The following EPB41L4A variants were observed in gnomAD, a reference collection of about 807,000 sequenced individuals.
EPB41L4A encodes band 4.1-like protein 4A.
In EPB41L4A, 100 loss-of-function variants were observed where a neutral mutation model predicts 108.6. That is an observed-to-expected ratio of 0.92 (90% confidence interval 0.78 to 1.09). EPB41L4A has a LOEUF of 1.09. Among genes scored for constraint, EPB41L4A ranks in the 50% least tolerant of loss-of-function variants. The pLI is 0.00. For synonymous variants in EPB41L4A, 319 were observed against 289.0 expected, an observed-to-expected ratio of 1.10 and a Z score of -1.05; for missense variants, 1,030 against 842.7, an observed-to-expected ratio of 1.22 and a Z score of -2.75.
chr5:112,175,538 A>G (rs1760816684), intron 18 of EPB41L4A: 1 of 152,228 alleles, frequency 6.6e-6, no homozygotes, highest in Admixed American at 6.5e-5. Context: ...GGTGTATCAT[A>G]ACCTTCTGAC....
Position 112,240,751 on chromosome 5 carries a change from C to G in EPB41L4A, c.855G>C (p.Trp285Cys), listed in dbSNP as rs761977647. 3 of 1,584,450 alleles carry G rather than the reference C, an allele frequency of 1.9e-6. No individual in the cohort carries two copies. Among genetic ancestry groups the G allele is most frequent in the Non-Finnish European group, 2.6e-6 (3 of 1,172,284 alleles). ...ARSKTACKHL[W>C]KCSVEHHTFF... ...ATGTATGATGTTCCACACTGCACTT[C>G]CAGAGGTGCTTGCAAGCAGTTTTAC... The change falls in exon 10 of 23, where the codon TGG (tryptophan) becomes TGC (cysteine). Residue 285 changes from tryptophan to cysteine, a missense_variant. Trp to Cys is a radical substitution (Grantham distance 215). Transcript: ENST00000261486.
At chr5:112,398,834 T>C (rs574515891) in intron 1 of EPB41L4A, among the ~76,000 whole-genome samples, 2 of 151,574 alleles carry the variant, frequency 1.3e-5, no homozygotes, top group African/African-American at 4.8e-5. Flanking sequence ...CTGAGTGAAA[T>C]GTATATGGGC....
chr5:112,411,970 C>G (rs960414947), intron 1 of EPB41L4A, among the ~76,000 whole-genome samples: 1 of 152,230 alleles, frequency 6.6e-6, no homozygotes. Context: ...ACGGCCCCCA[C>G]TGTTCTCTAA....
intron 12 of EPB41L4A, among the ~76,000 whole-genome samples, chr5:112,227,867 C>T (rs1748583071): frequency 6.6e-6 from 1 of 152,206 alleles, no homozygotes; most frequent in South Asian, 2.1e-4. Context: ...TTGACTGCAC[C>T]TACCTTGGGT....
chr5:112,332,505 G>C (rs966359214), intron 1 of EPB41L4A, among the ~76,000 whole-genome samples: 1 of 152,182 alleles, frequency 6.6e-6, no homozygotes, highest in Non-Finnish European at 1.5e-5. Flanking sequence ...TGGCTGAAGA[G>C]AGATGCATGG....
intron 1 of EPB41L4A, among the ~76,000 whole-genome samples, chr5:112,367,563 A>T (rs1759210555): frequency 6.6e-6 from 1 of 152,148 alleles, no homozygotes. Context: ...CCCATCTGGC[A>T]GGGCTCCATG....
chr5:112,259,359 T>A, intron 8 of EPB41L4A, 67 bp from the exon 9 acceptor site: 1 of 1,346,010 alleles, frequency 7.4e-7, no homozygotes, highest in Non-Finnish European at 1.1e-6. Flanking sequence ...ATCAGGGAAG[T>A]ATCCAGTGGA....
chr5:112,413,325 A>C (rs1762519720), intron 1 of EPB41L4A, among the ~76,000 whole-genome samples: 1 of 152,218 alleles, frequency 6.6e-6, no homozygotes, highest in Admixed American at 6.5e-5. Flanking sequence ...TCAATACAAA[A>C]ATTAGAGTAT....
At chr5:112,184,974 T>G (rs574511192) in intron 17 of EPB41L4A, among the ~76,000 whole-genome samples, 1 of 152,278 alleles carries the variant, frequency 6.6e-6, no homozygotes, top group African/African-American at 2.4e-5. Flanking sequence ...CTGCAGAAAT[T>G]TTGGACTTCC....
Position 112,275,378 on chromosome 5 carries a change from C to A in EPB41L4A, c.283G>T (p.Gly95Cys). 6.4e-7 allele frequency: 1 copy of A among 1,550,854 alleles called. No individual in the cohort carries two copies. Among genetic ancestry groups the A allele is most frequent in the Non-Finnish European group, 8.8e-7 (1 of 1,141,750 alleles). Reference sequence around the variant, plus strand: ...GGATCTTCAGCATAGAATTTAATACCAAAATACAAAGTATATGGAGGTCCA... The same window carrying A: ...GGATCTTCAGCATAGAATTTAATACAAAAATACAAAGTATATGGAGGTCCA... ...NTGPPYTLYF[G>C]IKFYAEDPCK... The change falls in exon 4 of 23, where the codon GGT becomes TGT. Residue 95 changes from glycine (G) to cysteine (C), a missense_variant. Coordinates refer to ENST00000261486, the MANE Select transcript of EPB41L4A (RefSeq NM_022140.5).
intron 12 of EPB41L4A, among the ~76,000 whole-genome samples, chr5:112,227,493 T>C (rs4331945): frequency 0.97 from 147,851 of 152,256 alleles, 71,964 homozygotes; most frequent in East Asian, 1. Flanking sequence ...TGACAGCAAC[T>C]CATCTGACAG....
intron 1 of EPB41L4A, among the ~76,000 whole-genome samples, chr5:112,345,159 G>T (rs1202853360): frequency 6.6e-6 from 1 of 152,126 alleles, no homozygotes; most frequent in African/African-American, 2.4e-5. Context: ...GGCTGAAATG[G>T]CCCACAGCAT....
Position 112,170,324 on chromosome 5 carries a change from T to C in EPB41L4A, c.1716A>G (p.Lys572=), listed in dbSNP as rs1760501090. ...ACTCTATTTTAGTGTATGGAATCTC[T>C]TTTAATTGTTCTTCGGACAATCCGG... ...DPSGLSEEQL[K]EIPYTKIETQ... is the part of the protein sequence containing the mutation. The change falls in exon 20 of 23, where the codon AAA becomes AAG. Residue 572 remains lysine, a synonymous_variant. Coordinates refer to ENST00000261486, the MANE Select transcript of EPB41L4A (RefSeq NM_022140.5). 1.2e-6 allele frequency: 2 copies of C among 1,613,232 alleles called. No individual in the cohort carries two copies. The highest frequency in any genetic ancestry group is 4.5e-5 in the East Asian group (2 of 44,834).
At chr5:112,366,880 G>A (rs1759152697) in intron 1 of EPB41L4A, among the ~76,000 whole-genome samples, 1 of 152,164 alleles carries the variant, frequency 6.6e-6, no homozygotes, top group Non-Finnish European at 1.5e-5. Context: ...GGCAGCAACA[G>A]TGCTTTACAG....
chr5:112,215,967 C>T (rs930169999), intron 12 of EPB41L4A, among the ~76,000 whole-genome samples: 9 of 152,106 alleles, frequency 5.9e-5, no homozygotes, highest in Admixed American at 5.2e-4. Flanking sequence ...GTGGTTTATA[C>T]AGTACTGAAA....
In EPB41L4A at chr5:112,170,275, G is replaced by A. The variant is rs372024657; in HGVS notation, c.1739+26C>T. On this transcript the variant is annotated intron_variant, in intron 20 of 22. Coordinates refer to ENST00000261486, the MANE Select transcript of EPB41L4A (RefSeq NM_022140.5). ...ACTCACAAGCACTAATAAAGCTTTG[G>A]TGAGAAGATTCTGAAAGGCACTCAC... 3.5e-4 allele frequency: 565 copies of A among 1,605,450 alleles called. 3 individuals carry two copies. The South Asian group carries it at 4.1e-3, about 12-fold the overall frequency.
At chr5:112,331,130 A>G (rs1561577884) in intron 1 of EPB41L4A, among the ~76,000 whole-genome samples, 1 of 152,130 alleles carries the variant, frequency 6.6e-6, no homozygotes, top group East Asian at 1.9e-4. Flanking sequence ...TAATACTCAC[A>G]CAAATTTGGA....
At chr5:112,308,246 T>A (rs1754821264) in intron 1 of EPB41L4A, among the ~76,000 whole-genome samples, 1 of 152,174 alleles carries the variant, frequency 6.6e-6, no homozygotes, top group African/African-American at 2.4e-5. Flanking sequence ...TCTCGCCCCA[T>A]CTCTGGCTGG....
At chr5:112,145,194 G>A (rs1029713346) in intron 13 of EPB41L4A, among the ~76,000 whole-genome samples, 1 of 152,180 alleles carries the variant, frequency 6.6e-6, no homozygotes, top group African/African-American at 2.4e-5. Flanking sequence ...GGAGGCTGAG[G>A]TGGGAGAATC....
Sources: allele counts gnomAD v4.1 joint callset (sites outside exome capture counted in the v4.1 genomes callset), GRCh38; gene constraint gnomAD v4.1.1; transcripts MANE v1.5; gene names NCBI Gene and HGNC (gene_info 2026-07-23, HGNC 2026-07-21).